ADGRL2: variants seen among roughly 807,000 people sequenced by gnomAD.
ADGRL2 encodes the protein adhesion G protein-coupled receptor L2.
A neutral mutation model predicts 157.4 loss-of-function variants in ADGRL2; 44 were observed. The observed-to-expected ratio is 0.28, with a 90% CI of 0.22 to 0.36. ADGRL2 has a LOEUF of 0.36. Ranked by LOEUF, ADGRL2 falls within the 10% of genes least tolerant of loss-of-function variation. The pLI is 1.00. For synonymous variants in ADGRL2, 585 were observed against 624.7 expected (o/e 0.94, Z 0.95); for missense variants, 1,510 against 1,768.9 (o/e 0.85, Z 2.63).
intron 3 of ADGRL2, among the ~76,000 whole-genome samples, chr1:81,669,648 A>G (rs186553318): frequency 1.3e-5 from 2 of 152,270 alleles, no homozygotes; most frequent in East Asian, 3.9e-4. Context: ...AGAGCATTTA[A>G]AAGAGGACAC....
At chr1:81,363,173 C>G (rs961043081) in intron 1 of ADGRL2, among the ~76,000 whole-genome samples, 3 of 151,900 alleles carry the variant, frequency 2.0e-5, no homozygotes, top group African/African-American at 7.2e-5. Flanking sequence ...AAAAAGAAGA[C>G]TTAAAATTTA....
intron 3 of ADGRL2, among the ~76,000 whole-genome samples, chr1:81,926,760 T>C (rs964992905): frequency 2.6e-5 from 4 of 152,052 alleles, no homozygotes; most frequent in Admixed American, 1.3e-4. Context: ...CTCAGTGGCA[T>C]GCTTTGTAAA....
rs907713475 is a variant in ADGRL2, at chr1:81,535,255, G to A, written c.-247-45621G>A. 2.0e-5 allele frequency among the ~76,000 whole-genome samples: 3 copies of A among 152,228 alleles called. No homozygotes were observed. In the South Asian group the frequency reaches 6.2e-4, roughly 31 times the overall value. On this transcript the variant is annotated intron_variant, in intron 2 of 24. Coordinates refer to the ADGRL2 transcript ENST00000370721. ...CTGAAAAGATGCAACAAAGGAAGATGTGAGAGTGATTTTTAAAAATTTTAA... is the reference window on the plus strand; with the variant it reads ...CTGAAAAGATGCAACAAAGGAAGATATGAGAGTGATTTTTAAAAATTTTAA...
chr1:81,620,304 A>G (rs2148707954), intron 3 of ADGRL2, among the ~76,000 whole-genome samples: 1 of 152,352 alleles, frequency 6.6e-6, no homozygotes, highest in African/African-American at 2.4e-5. Context: ...CATAATACAT[A>G]ATTCATTTTT....
chr1:81,331,325 T>C (rs1325886654), intron 1 of ADGRL2, among the ~76,000 whole-genome samples: 2 of 152,160 alleles, frequency 1.3e-5, no homozygotes, highest in African/African-American at 2.4e-5. Context: ...CTTCATGTTA[T>C]TACTTAGGAT....
chr1:81,354,514 A>G (rs1011054572), intron 1 of ADGRL2, among the ~76,000 whole-genome samples: 1 of 152,168 alleles, frequency 6.6e-6, no homozygotes, highest in Non-Finnish European at 1.5e-5. Context: ...ATAACTGTGC[A>G]TGTTTCTTCT....
chr1:81,970,550 C>T lies in ADGRL2; in HGVS notation c.2954+16C>T, dbSNP rs200332800. On this transcript the variant is annotated intron_variant, in intron 16 of 23. Coordinates refer to ENST00000686636, the MANE Select transcript of ADGRL2 (RefSeq NM_001366006.2). ...CAGAAAAAGCGTAAGTAATTGCAAGCGACCTGAGTGTTTTTCAAGTGAATA... is the reference window on the plus strand; with the variant it reads ...CAGAAAAAGCGTAAGTAATTGCAAGTGACCTGAGTGTTTTTCAAGTGAATA... 101 of 1,584,752 alleles carry T rather than the reference C, an allele frequency of 6.4e-5. 1 individual carries two copies. The South Asian group carries it at 9.4e-4, about 15-fold the overall frequency.
chr1:81,944,061 T>G (rs546234504), intron 6 of ADGRL2, among the ~76,000 whole-genome samples: 1 of 152,166 alleles, frequency 6.6e-6, no homozygotes, highest in South Asian at 2.1e-4. Context: ...GTTTGGTTGT[T>G]TTCCCCTACT....
chr1:81,359,566 G>T (rs2075939058), intron 1 of ADGRL2, among the ~76,000 whole-genome samples: 1 of 151,988 alleles, frequency 6.6e-6, no homozygotes, highest in African/African-American at 2.4e-5. Flanking sequence ...GTCAACATGA[G>T]TAAGTCATAC....
intron 1 of ADGRL2, among the ~76,000 whole-genome samples, chr1:81,342,247 T>G (rs772365273): frequency 2.6e-5 from 4 of 152,200 alleles, no homozygotes; most frequent in African/African-American, 4.8e-5. Flanking sequence ...CTACTAAAAA[T>G]ATTATTTAAA....
chr1:81,852,727 T>A (rs760171255), intron 2 of ADGRL2, among the ~76,000 whole-genome samples: 3 of 152,102 alleles, frequency 2.0e-5, no homozygotes, highest in Non-Finnish European at 4.4e-5. Flanking sequence ...TCTGTTCTCA[T>A]CCTCTCTGTC....
chr1:81,554,245 T>A (rs997191402), intron 2 of ADGRL2, among the ~76,000 whole-genome samples: 4 of 152,374 alleles, frequency 2.6e-5, no homozygotes, highest in Non-Finnish European at 5.9e-5. Context: ...GCTGTAATCA[T>A]GGCACCTGTG....
chr1:81,459,792 A>G (rs1285657622), intron 2 of ADGRL2, among the ~76,000 whole-genome samples: 5 of 132,100 alleles, frequency 3.8e-5, no homozygotes, highest in African/African-American at 1.4e-4. Context: ...GTGTGTGTAT[A>G]TATATATATG....
intron 2 of ADGRL2, among the ~76,000 whole-genome samples, chr1:81,766,847 G>GAA (rs66946051): frequency 2.5e-5 from 3 of 117,824 alleles, no homozygotes; most frequent in African/African-American, 6.2e-5. Context: ...AAAAAAAAAG[G>GAA]AAAAAAAAAA....
chr1:81,825,117 G>A (rs1046759107), intron 1 of ADGRL2, among the ~76,000 whole-genome samples: 7 of 152,080 alleles, frequency 4.6e-5, no homozygotes, highest in African/African-American at 1.4e-4. Context: ...AGGCCAAGGC[G>A]GGAGGATAAC....
intron 2 of ADGRL2, among the ~76,000 whole-genome samples, chr1:81,856,296 T>C (rs1308105847): frequency 6.6e-6 from 1 of 152,186 alleles, no homozygotes; most frequent in Non-Finnish European, 1.5e-5. Context: ...CACCCAGTCT[T>C]GTGCCACCCT....
At chr1:81,860,234 A>G (rs1483546784) in intron 2 of ADGRL2, among the ~76,000 whole-genome samples, 2 of 152,192 alleles carry the variant, frequency 1.3e-5, no homozygotes, top group Non-Finnish European at 2.9e-5. Context: ...AAACAAAACA[A>G]AACAAAACAA....
chr1:81,583,905 C>CA lies in ADGRL2; in HGVS notation c.-143+2929dup, dbSNP rs767441805. On this transcript the variant is annotated intron_variant, in intron 3 of 24. Transcript: ENST00000370721. ...GACTTGCTTTTCATTTGAAAGAGGG[C>CA]AAAATCTATTTCCTGGGTAATTTTG... Among the ~76,000 whole-genome samples the CA allele has an allele frequency of 1.3e-3, 198 of 152,212 alleles. 1 individual carries two copies. The highest frequency in any genetic ancestry group is 5.2e-3 in the Admixed American group (79 of 15,268).
intron 1 of ADGRL2, among the ~76,000 whole-genome samples, chr1:81,410,721 A>G (rs1408931090): frequency 6.6e-6 from 1 of 152,222 alleles, no homozygotes; most frequent in Non-Finnish European, 1.5e-5. Flanking sequence ...AATTTATTTA[A>G]AGCCAATCTG....
Sources: allele counts gnomAD v4.1 joint callset (sites outside exome capture counted in the v4.1 genomes callset), GRCh38; gene constraint gnomAD v4.1.1; transcripts MANE v1.5; gene names NCBI Gene and HGNC (gene_info 2026-07-23, HGNC 2026-07-21).